Variants in PAPPA2 observed in about 807,000 individuals in gnomAD.
PAPPA2 encodes the protein pappalysin 2, also known as pappalysin-2.
PAPPA2 carries 86 observed loss-of-function variants against 176.4 expected under a neutral mutation model. The ratio of observed to expected loss-of-function variants is 0.49; its 90% CI spans 0.41 to 0.58. PAPPA2 has a LOEUF of 0.58. PAPPA2 is among the 20% of genes least tolerant of loss of function. The pLI is 0.00. For missense variants in PAPPA2, 2,073 were observed against 2,256.9 expected, an observed-to-expected ratio of 0.92 and a Z score of 1.65; for synonymous variants, 809 against 852.2, an observed-to-expected ratio of 0.95 and a Z score of 0.88.
chr1:176,500,972 C>T (rs150729969), intron 1 of PAPPA2, among the ~76,000 whole-genome samples: 5 of 151,688 alleles, frequency 3.3e-5, no homozygotes, highest in African/African-American at 7.2e-5. Flanking sequence ...GCATTAACTG[C>T]GTACTGTCAA....
intron 14 of PAPPA2, 98 bp downstream of exon 14, chr1:176,740,294 A>G (rs1214566855): frequency 5.8e-6 from 7 of 1,211,286 alleles, no homozygotes; most frequent in Non-Finnish European, 8.0e-6. Context: ...TTGCTCAATC[A>G]CTAACTGAAA....
chr1:176,672,567 C>T lies in PAPPA2; in HGVS notation c.2137+1452C>T, dbSNP rs77493374. Among the ~76,000 whole-genome samples, 332 of 150,318 alleles carry T rather than the reference C, an allele frequency of 2.2e-3. 1 individual carries two copies. The highest frequency in any genetic ancestry group is 6.7e-3 in the African/African-American group (273 of 40,888). On this transcript the variant is annotated intron_variant, in intron 4 of 22. Coordinates refer to ENST00000367662, the MANE Select transcript of PAPPA2 (RefSeq NM_020318.3). ...AGGAGGAAGATGAGCAATGTGTTAG[C>T]GATAGACCAAAAAAAAAAAGAAAAG... is the stretch of plus-strand genomic sequence containing the variant.
chr1:176,700,956 A>C (rs1660626189), intron 8 of PAPPA2, among the ~76,000 whole-genome samples: 2 of 152,182 alleles, frequency 1.3e-5, no homozygotes, highest in African/African-American at 4.8e-5. Context: ...GCAAATGCAA[A>C]GGTAGCTTTA....
intron 1 of PAPPA2, among the ~76,000 whole-genome samples, chr1:176,492,382 T>A (rs1647339008): frequency 6.6e-6 from 1 of 152,238 alleles, no homozygotes; most frequent in Admixed American, 6.5e-5. Context: ...TGTTTTGATG[T>A]TGATGATATT....
chr1:176,511,706 C>T (rs965907706), intron 1 of PAPPA2, among the ~76,000 whole-genome samples: 1 of 152,104 alleles, frequency 6.6e-6, no homozygotes, highest in African/African-American at 2.4e-5. Context: ...CTGAATAAAA[C>T]AAAAAGGCAG....
chr1:176,576,506 T>C (rs1652656074), intron 2 of PAPPA2, among the ~76,000 whole-genome samples: 1 of 151,940 alleles, frequency 6.6e-6, no homozygotes, highest in Non-Finnish European at 1.5e-5. Flanking sequence ...TGTTTGTGTG[T>C]GTCTGTCATA....
chr1:176,676,476 CA>C (rs956866603), intron 4 of PAPPA2, among the ~76,000 whole-genome samples: 1 of 151,570 alleles, frequency 6.6e-6, no homozygotes, highest in Non-Finnish European at 1.5e-5. Flanking sequence ...AAGCCAATCT[CA>C]AAACTTACAT....
intron 1 of PAPPA2, among the ~76,000 whole-genome samples, chr1:176,468,066 G>A (rs1224085770): frequency 6.6e-6 from 1 of 152,154 alleles, no homozygotes; most frequent in Non-Finnish European, 1.5e-5. Flanking sequence ...CCAAAAAGGA[G>A]CACTATTTCA....
intron 12 of PAPPA2, among the ~76,000 whole-genome samples, chr1:176,725,495 T>G (rs1203348721): frequency 2.0e-5 from 3 of 152,176 alleles, no homozygotes; most frequent in Non-Finnish European, 4.4e-5. Flanking sequence ...TCTTCACCCT[T>G]AAGGTACATA....
chr1:176,598,284 GT>G (rs1320368173), intron 3 of PAPPA2, among the ~76,000 whole-genome samples: 3 of 151,576 alleles, frequency 2.0e-5, no homozygotes, highest in Non-Finnish European at 4.4e-5. Flanking sequence ...TTTTCTGGTA[GT>G]TTCCTGTACA....
At chr1:176,811,979 A>C (rs1324265698) in intron 21 of PAPPA2, among the ~76,000 whole-genome samples, 1 of 152,098 alleles carries the variant, frequency 6.6e-6, no homozygotes, top group African/African-American at 2.4e-5. Context: ...CAAATTGTAA[A>C]ACCTCATCTA....
chr1:176,516,052 T>C (rs1343712099), intron 1 of PAPPA2, among the ~76,000 whole-genome samples: 3 of 152,168 alleles, frequency 2.0e-5, no homozygotes, highest in African/African-American at 7.2e-5. Flanking sequence ...GCTTGGTGAC[T>C]TTCTCTAGTG....
intron 21 of PAPPA2, among the ~76,000 whole-genome samples, chr1:176,818,155 A>G (rs1666483988): frequency 1.3e-5 from 2 of 152,194 alleles, no homozygotes; most frequent in Admixed American, 1.3e-4. Flanking sequence ...ACAAGAAGTG[A>G]GATGGCAGTA....
intron 21 of PAPPA2, among the ~76,000 whole-genome samples, chr1:176,835,622 C>A (rs192750099): frequency 1.8e-4 from 28 of 152,276 alleles, no homozygotes; most frequent in African/African-American, 6.5e-4. Context: ...CGGGTTCAAG[C>A]GATTCTCCTG....
intron 1 of PAPPA2, among the ~76,000 whole-genome samples, chr1:176,476,465 T>C (rs1025979326): frequency 6.6e-6 from 1 of 152,264 alleles, no homozygotes; most frequent in Non-Finnish European, 1.5e-5. Context: ...TTTTCAGTCC[T>C]ATTTCTGTGC....
In PAPPA2 at chr1:176,585,250, TG is replaced by T. The variant is rs139373849; in HGVS notation, c.920-9271del. Among the ~76,000 whole-genome samples the T allele has an allele frequency of 4.2e-3, 634 of 152,298 alleles. 6 individuals carry two copies. Among genetic ancestry groups the T allele is most frequent in the African/African-American group, 0.014 (589 of 41,564 alleles). On this transcript the variant is annotated intron_variant, in intron 2 of 22. Transcript: ENST00000367662. The stretch of plus-strand genomic sequence containing the variant: ...CCTTCATTTCTAAGAATAGCTTTGC[TG>T]GGTATAGTATTCTCGGCTGATGGAT...
intron 14 of PAPPA2, among the ~76,000 whole-genome samples, chr1:176,762,028 T>G (rs1006624416): frequency 2.0e-5 from 3 of 152,116 alleles, no homozygotes; most frequent in African/African-American, 7.2e-5. Context: ...AAGCAGTGTT[T>G]GTAGTGGAAG....
At chr1:176,506,634 T>C (rs1648281283) in intron 1 of PAPPA2, among the ~76,000 whole-genome samples, 1 of 152,148 alleles carries the variant, frequency 6.6e-6, no homozygotes, top group Non-Finnish European at 1.5e-5. Flanking sequence ...GATTGTGTGC[T>C]TGATTTGACT....
At chr1:176,565,223 G>A (rs1277516712) in intron 2 of PAPPA2, among the ~76,000 whole-genome samples, 2 of 152,086 alleles carry the variant, frequency 1.3e-5, no homozygotes, top group Non-Finnish European at 2.9e-5. Context: ...TATGAACATT[G>A]TGCACAAGTG....
Sources: allele counts gnomAD v4.1 joint callset (sites outside exome capture counted in the v4.1 genomes callset), GRCh38; gene constraint gnomAD v4.1.1; transcripts MANE v1.5; gene names NCBI Gene and HGNC (gene_info 2026-07-23, HGNC 2026-07-21).